Variants in ARID1B observed in about 807,000 individuals in gnomAD.
ARID1B encodes AT-rich interactive domain-containing protein 1B.
Under a neutral mutation model 212.3 loss-of-function variants are expected in ARID1B, and 30 were observed. That is an observed-to-expected ratio of 0.14 (90% CI 0.11 to 0.19). The LOEUF is 0.19. ARID1B is among the 10% of genes least tolerant of loss of function. The pLI, the probability that ARID1B is intolerant of heterozygous loss-of-function variation, is 1.00. For synonymous variants in ARID1B, 1,402 were observed against 1,301.7 expected (o/e 1.08, Z -1.66); for missense variants, 2,891 against 3,204.0 (o/e 0.90, Z 2.36).
At chr6:156,961,900 T>G (rs1794403208) in intron 4 of ARID1B, among the ~76,000 whole-genome samples, 1 of 152,194 alleles carries the variant, frequency 6.6e-6, no homozygotes, top group Non-Finnish European at 1.5e-5. Context: ...TTCTAATCTC[T>G]TCTAAGTCAA....
intron 4 of ARID1B, among the ~76,000 whole-genome samples, chr6:156,986,346 AT>A (rs1777915977): frequency 6.6e-6 from 1 of 152,152 alleles, no homozygotes; most frequent in African/African-American, 2.4e-5. Context: ...TAAATACAAA[AT>A]TTCATTTCAG....
intron 4 of ARID1B, among the ~76,000 whole-genome samples, chr6:157,001,058 G>T (rs1485609943): frequency 6.6e-6 from 1 of 152,260 alleles, no homozygotes; most frequent in Non-Finnish European, 1.5e-5. Flanking sequence ...ACATTTCATG[G>T]CATCTTAAAT....
chr6:157,181,046 C>G lies in ARID1B; in HGVS notation c.3582C>G (p.Leu1194=), dbSNP rs1792478534. The change falls in exon 12 of 20, where the codon CTC becomes CTG. Residue 1194 remains leucine, a synonymous_variant. Transcript: ENST00000636930. ...TGGGGAATGAGCCAGAGAGAAAGCT[C>G]TGGGTCGACCGATACCTCACCTTCA... ...YELGNEPERK[L]WVDRYLTFME... 4 of 1,614,190 alleles carry G rather than the reference C, an allele frequency of 2.5e-6. No individual in the cohort carries two copies. The highest frequency in any genetic ancestry group is 2.2e-5 in the East Asian group (1 of 44,886).
intron 2 of ARID1B, among the ~76,000 whole-genome samples, chr6:156,872,123 AAGG>A (rs1174663679): frequency 1.3e-5 from 2 of 152,216 alleles, no homozygotes; most frequent in East Asian, 3.8e-4. Flanking sequence ...GCCGCTTCTC[AAGG>A]CGAGTGATCC....
At position 157,179,750 on chromosome 6, in the gene ARID1B, C is replaced by T. The variant is rs78977740; in HGVS notation, c.3505-1219C>T. Reference sequence around the variant, plus strand: ...CACGTGTTAGTTAAAGGGAAAGCGGCGGCCTCACATGCTGCGTAAGTTTCA... The same window carrying T: ...CACGTGTTAGTTAAAGGGAAAGCGGTGGCCTCACATGCTGCGTAAGTTTCA... On this transcript the variant is annotated intron_variant, in intron 11 of 19. Transcript: ENST00000636930. Among the ~76,000 whole-genome samples the T allele has an allele frequency of 1.6e-3, 243 of 152,300 alleles. 8 individuals are homozygous for T. In the East Asian group the frequency reaches 0.044, roughly 28 times the overall value.
intron 2 of ARID1B, among the ~76,000 whole-genome samples, chr6:156,862,817 A>G (rs1188098519): frequency 6.6e-6 from 1 of 152,228 alleles, no homozygotes; most frequent in African/African-American, 2.4e-5. Context: ...GCGGAAAGTC[A>G]TGTCTAGATC....
intron 2 of ARID1B, among the ~76,000 whole-genome samples, chr6:156,869,047 G>A (rs1785921642): frequency 6.6e-6 from 1 of 151,456 alleles, no homozygotes; most frequent in Admixed American, 6.6e-5. Context: ...AAATGAATTT[G>A]TTTTTTTTGC....
At chr6:156,951,953 T>C (rs1395265525) in intron 4 of ARID1B, among the ~76,000 whole-genome samples, 1 of 152,190 alleles carries the variant, frequency 6.6e-6, no homozygotes, top group Non-Finnish European at 1.5e-5. Context: ...GATTGAATAA[T>C]TATCTGTTTT....
At chr6:156,836,772 C>T (rs1443589392) in intron 2 of ARID1B, among the ~76,000 whole-genome samples, 1 of 152,162 alleles carries the variant, frequency 6.6e-6, no homozygotes, top group African/African-American at 2.4e-5. Flanking sequence ...TCAGGTGATT[C>T]TCTCACCTCA....
chr6:156,856,044 C>A (rs1313693911), intron 2 of ARID1B, among the ~76,000 whole-genome samples: 1 of 152,168 alleles, frequency 6.6e-6, no homozygotes, highest in Non-Finnish European at 1.5e-5. Context: ...GGGAAGACAG[C>A]AGGCTCTGGA....
intron 6 of ARID1B, chr6:157,111,136 A>C (rs1786882908): frequency 6.5e-6 from 1 of 153,206 alleles, no homozygotes; most frequent in Non-Finnish European, 1.5e-5. Flanking sequence ...TGCCAGTCCC[A>C]GAAAAAAAGA....
intron 2 of ARID1B, among the ~76,000 whole-genome samples, chr6:156,839,179 C>T (rs1203957773): frequency 6.6e-6 from 1 of 152,092 alleles, no homozygotes; most frequent in Non-Finnish European, 1.5e-5. Context: ...TAAAAAAAAT[C>T]ACAGACTGGG....
chr6:156,985,561 T>C (rs971872432), intron 4 of ARID1B: 3 of 152,256 alleles, frequency 2.0e-5, no homozygotes, highest in African/African-American at 7.2e-5. Context: ...CATGTTTTTA[T>C]ATTACATTGG....
chr6:157,051,769 A>G (rs541045498), intron 4 of ARID1B, among the ~76,000 whole-genome samples: 10 of 152,346 alleles, frequency 6.6e-5, no homozygotes, highest in African/African-American at 1.9e-4. Context: ...GGCAGTTGGT[A>G]CAGTCCTCGT....
chr6:157,184,570 T>C, intron 13 of ARID1B, 135 bp downstream of exon 13: 2 of 1,045,958 alleles, frequency 1.9e-6, no homozygotes, highest in Non-Finnish European at 2.8e-6. Context: ...CTGTGTCGTT[T>C]TGTTTATTTA....
rs1182089305 is a variant in ARID1B, at chr6:157,203,086, G to A, written c.5264-780G>A. 6.6e-6 allele frequency among the ~76,000 whole-genome samples: 1 copy of A among 152,142 alleles called. No homozygotes were observed. The highest frequency in any genetic ancestry group is 1.5e-5 in the Non-Finnish European group (1 of 68,030). ...AAACAGATAAAATAAAAGTGGAAAAGCCACGGTGTCTCCCCCTCATGCAAT... is the reference window on the plus strand; with the variant it reads ...AAACAGATAAAATAAAAGTGGAAAAACCACGGTGTCTCCCCCTCATGCAAT... On this transcript the variant is annotated intron_variant, in intron 18 of 19. Coordinates refer to ENST00000636930, the MANE Select transcript of ARID1B (RefSeq NM_001374828.1). This position sits in a 1 kb window ranked among gnomAD's most constrained non-coding sequence, Gnocchi z 4.4.
intron 1 of ARID1B, among the ~76,000 whole-genome samples, chr6:156,827,950 G>A (rs1285806272): frequency 2.0e-5 from 3 of 151,434 alleles, no homozygotes; most frequent in Non-Finnish European, 3.0e-5. Context: ...TAGTAGAGAC[G>A]GGGTTTCACC....
chr6:156,918,629 G>C (rs1384751840), intron 3 of ARID1B, among the ~76,000 whole-genome samples: 1 of 152,200 alleles, frequency 6.6e-6, no homozygotes, highest in Admixed American at 6.5e-5. Flanking sequence ...TGCTGAGGGA[G>C]ATTTCCTTTT....
chr6:156,997,893 C>T (rs1778689533), intron 4 of ARID1B, among the ~76,000 whole-genome samples: 1 of 152,086 alleles, frequency 6.6e-6, no homozygotes, highest in Non-Finnish European at 1.5e-5. Flanking sequence ...ACATCATTAT[C>T]CCAGGGAATT....
Sources: allele counts gnomAD v4.1 joint callset (sites outside exome capture counted in the v4.1 genomes callset), GRCh38; gene constraint gnomAD v4.1.1; non-coding constraint Gnocchi (gnomAD v3.1); transcripts MANE v1.5; gene names NCBI Gene and HGNC (gene_info 2026-07-23, HGNC 2026-07-21).